TRIM34: variants seen among roughly 807,000 people sequenced by gnomAD.
TRIM34 encodes the protein E3 ubiquitin-protein ligase TRIM34.
A neutral mutation model predicts 38.1 loss-of-function variants in TRIM34; 41 were observed. The observed-to-expected ratio is 1.08, with a 90% confidence interval of 0.84 to 1.40. The LOEUF is 1.40. TRIM34 is among the 40% of genes most tolerant of loss of function. The pLI is 0.00. For synonymous variants in TRIM34, 200 were observed against 202.5 expected, an observed-to-expected ratio of 0.99 and a Z score of 0.10; for missense variants, 556 against 571.4, an observed-to-expected ratio of 0.97 and a Z score of 0.27.
upstream of TRIM34, among the ~76,000 whole-genome samples, chr11:5,621,411 C>T (rs1037133962): frequency 6.6e-6 from 1 of 152,180 alleles, no homozygotes; most frequent in African/African-American, 2.4e-5. Context: ...CTCTTGTTAG[C>T]CACTCCTGTT....
intron 4 of TRIM34, among the ~76,000 whole-genome samples, chr11:5,635,542 C>T (rs1213919933): frequency 6.6e-6 from 1 of 152,188 alleles, no homozygotes; most frequent in Non-Finnish European, 1.5e-5. Context: ...AGGCCTGACC[C>T]ACCGCACCCA....
intron 1 of TRIM34, among the ~76,000 whole-genome samples, chr11:5,630,833 T>C (rs556582913): frequency 6.6e-6 from 1 of 152,370 alleles, no homozygotes; most frequent in East Asian, 1.9e-4. Flanking sequence ...GTTTACTTTA[T>C]TCTGGCTAAT....
upstream of TRIM34, among the ~76,000 whole-genome samples, chr11:5,622,452 AAAAAAAG>A (rs1849024786): frequency 6.9e-6 from 1 of 144,686 alleles, no homozygotes; most frequent in South Asian, 2.3e-4. Flanking sequence ...CTCAAAAAAA[AAAAAAAG>A]AAAAAAAGAA....
rs1564886134 is a variant in TRIM34, at chr11:5,634,522, CACACACACAT to C, written c.520-107_520-98del. On this transcript the variant is annotated intron_variant, in intron 3 of 7. Transcript: ENST00000429814. ...ACACACACACACACACACACACACA[CACACACACAT>C]ATATATATATATATATTTCCCTACT... The C allele has an allele frequency of 7.2e-5, 48 of 662,848 alleles. No individual in the cohort carries two copies. In the South Asian group the frequency reaches 1.1e-3, roughly 15 times the overall value. The allele number at this position is 662,848 out of a possible 1,614,324, so 41.1% of individuals were successfully genotyped here.
At chr11:5,624,746 C>T (rs1211187958), upstream of TRIM34, 9 of 152,240 alleles carry the variant, frequency 5.9e-5, no homozygotes, top group Admixed American at 2.0e-4. Flanking sequence ...AACCAAATAT[C>T]TCTTCAGACA....
At chr11:5,641,280 A>T in intron 5 of TRIM34, 91 bp downstream of exon 5, 5 of 1,595,540 alleles carry the variant, frequency 3.1e-6, no homozygotes, top group Non-Finnish European at 4.3e-6. Context: ...GGAATAAAAA[A>T]TCTCCCAGAG....
At chr11:5,642,591 G>A (rs904644500) in intron 6 of TRIM34, 85 bp downstream of exon 6, 12 of 1,499,646 alleles carry the variant, frequency 8.0e-6, no homozygotes, top group Admixed American at 2.2e-5. Flanking sequence ...ACTTAAAATT[G>A]AGGACAGAAG....
chr11:5,637,889 G>C (rs1255587142), intron 4 of TRIM34, among the ~76,000 whole-genome samples: 2 of 152,166 alleles, frequency 1.3e-5, no homozygotes, highest in South Asian at 2.1e-4. Context: ...CATAATGCTA[G>C]GGTTTGGGCT....
intron 4 of TRIM34, among the ~76,000 whole-genome samples, chr11:5,637,147 T>C (rs1015282899): frequency 1.1e-4 from 16 of 141,708 alleles, no homozygotes; most frequent in African/African-American, 4.1e-4. Context: ...CACTCCAGCC[T>C]GGGCGACAGA....
At chr11:5,631,634 G>A (rs1213766834) in intron 1 of TRIM34, among the ~76,000 whole-genome samples, 2 of 152,126 alleles carry the variant, frequency 1.3e-5, no homozygotes, top group East Asian at 1.9e-4. Context: ...GTTAGGAGGC[G>A]AGCACTTCTT....
At position 5,633,151 on chromosome 11, in the gene TRIM34, T is replaced by C. The variant is rs200248132; in HGVS notation, c.423+397T>C. ...CCATGCCCGGCCTTTTCTTTCTTTT[T>C]TTTTTTTTTTTTTTGTGAGCAATAA... On this transcript the variant is annotated intron_variant, in intron 2 of 7. Coordinates refer to ENST00000429814, the MANE Select transcript of TRIM34 (RefSeq NM_021616.6). Among the ~76,000 whole-genome samples the C allele has an allele frequency of 5.0e-3, 734 of 146,914 alleles. 1 individual carries two copies. The highest frequency in any genetic ancestry group is 7.7e-3 in the East Asian group (39 of 5,066).
chr11:5,628,145 T>C (rs1849322401), intron 1 of TRIM34, among the ~76,000 whole-genome samples: 1 of 152,224 alleles, frequency 6.6e-6, no homozygotes, highest in Admixed American at 6.5e-5. Flanking sequence ...TTTCTCATTC[T>C]TTTGCCATTA....
At chr11:5,640,977 A>C (rs1478773203) in intron 4 of TRIM34, among the ~76,000 whole-genome samples, 190 bp from the exon 5 acceptor site, 1 of 152,022 alleles carries the variant, frequency 6.6e-6, no homozygotes, top group Non-Finnish European at 1.5e-5. Context: ...TAAGGTCAGT[A>C]GTAATATCCC....
chr11:5,638,608 T>C (rs971903530), intron 4 of TRIM34, among the ~76,000 whole-genome samples: 15 of 152,210 alleles, frequency 9.9e-5, no homozygotes, highest in Admixed American at 9.8e-4. Flanking sequence ...ACTGGCTTGA[T>C]AAAATGTTTT....
chr11:5,642,935 A>G (rs1156555040), intron 7 of TRIM34, 92 bp downstream of exon 7: 1 of 1,547,748 alleles, frequency 6.5e-7, no homozygotes, highest in South Asian at 1.2e-5. Flanking sequence ...AGCCTCATGC[A>G]TTCTCAGCAC....
intron 5 of TRIM34, 75 bp from the exon 6 acceptor site, chr11:5,642,331 G>C: frequency 4.4e-6 from 6 of 1,368,250 alleles, no homozygotes; most frequent in Non-Finnish European, 6.2e-6. Context: ...ATGTGAAGGA[G>C]ATGAAACCAG....
At chr11:5,639,447 G>A (rs982209700) in intron 4 of TRIM34, among the ~76,000 whole-genome samples, 5 of 151,976 alleles carry the variant, frequency 3.3e-5, no homozygotes, top group Admixed American at 2.0e-4. Context: ...TTGGGAGACC[G>A]AAGAGGGCGG....
chr11:5,630,039 G>T (rs1310954555), intron 1 of TRIM34, among the ~76,000 whole-genome samples: 1 of 152,072 alleles, frequency 6.6e-6, no homozygotes, highest in Non-Finnish European at 1.5e-5. Flanking sequence ...ACAAGACCAT[G>T]TGACCATGTG....
chr11:5,631,251 G>A (rs1036289354), intron 1 of TRIM34, among the ~76,000 whole-genome samples: 6 of 152,070 alleles, frequency 3.9e-5, no homozygotes, highest in Admixed American at 2.6e-4. Flanking sequence ...CCCAACTTAT[G>A]TGGTTTCCTC....
Sources: gnomAD v4.1 joint callset for allele counts (sites outside exome capture counted in the v4.1 genomes callset) on GRCh38, gnomAD v4.1.1 for gene constraint, MANE v1.5 for transcripts, NCBI Gene and HGNC (gene_info 2026-07-23, HGNC 2026-07-21) for gene names.